The following FARS2 variants were observed in gnomAD, a reference collection of about 807,000 sequenced individuals.
FARS2 encodes the protein phenylalanine--tRNA ligase, mitochondrial.
Under a neutral mutation model 46.4 loss-of-function variants are expected in FARS2, and 40 were observed. The ratio of observed to expected loss-of-function variants is 0.86; its 90% CI spans 0.67 to 1.12. The LOEUF (loss-of-function observed/expected upper bound fraction) is 1.12. Among genes scored for constraint, FARS2 ranks in the 50% most tolerant of loss-of-function variants. The pLI, the probability that FARS2 is intolerant of heterozygous loss-of-function variation, is 0.00. For missense variants in FARS2, 513 were observed against 567.9 expected (o/e 0.90, Z 0.98); for synonymous variants, 234 against 214.9 (o/e 1.09, Z -0.78).
At chr6:5,302,587 T>C (rs1768397008) in intron 1 of FARS2, among the ~76,000 whole-genome samples, 1 of 152,196 alleles carries the variant, frequency 6.6e-6, no homozygotes, top group Non-Finnish European at 1.5e-5. Flanking sequence ...TACTATCTTT[T>C]ACAGATGGGG....
intron 6 of FARS2, among the ~76,000 whole-genome samples, chr6:5,623,678 C>G (rs936192485): frequency 3.3e-5 from 5 of 151,124 alleles, no homozygotes; most frequent in Non-Finnish European, 7.4e-5. Context: ...TGCCACTACA[C>G]TCCAGCCTGG....
intron 6 of FARS2, among the ~76,000 whole-genome samples, chr6:5,719,359 G>C (rs1561819265): frequency 1.4e-5 from 2 of 145,546 alleles, no homozygotes; most frequent in Non-Finnish European, 3.0e-5. Flanking sequence ...TGCAGCCTGG[G>C]TGACAGAGTG....
chr6:5,596,342 C>G (rs188769142), intron 5 of FARS2, among the ~76,000 whole-genome samples: 9 of 152,212 alleles, frequency 5.9e-5, no homozygotes, highest in Non-Finnish European at 1.2e-4. Context: ...CCCCTTTCCC[C>G]GTCCACAAAA....
intron 4 of FARS2, among the ~76,000 whole-genome samples, chr6:5,472,933 A>G (rs1306001347): frequency 2.0e-5 from 3 of 152,198 alleles, no homozygotes; most frequent in Admixed American, 2.0e-4. Flanking sequence ...GTCACACACA[A>G]AATTTTGTGC....
chr6:5,662,177 A>G (rs115292408), intron 6 of FARS2, among the ~76,000 whole-genome samples: 4,340 of 152,242 alleles, frequency 0.029, 160 homozygotes, highest in African/African-American at 0.09. Flanking sequence ...AAATTCAGAA[A>G]GTTGGGGTAT....
At chr6:5,269,434 A>G (rs1417884952) in intron 1 of FARS2, among the ~76,000 whole-genome samples, 2 of 149,620 alleles carry the variant, frequency 1.3e-5, no homozygotes, top group Admixed American at 6.7e-5. Context: ...CCTTGTGCAC[A>G]TGTACCCTAG....
chr6:5,516,344 T>G (rs1305415725), intron 4 of FARS2, among the ~76,000 whole-genome samples: 1 of 152,242 alleles, frequency 6.6e-6, no homozygotes, highest in African/African-American at 2.4e-5. Context: ...TGCCGTGTCA[T>G]CTTGGAAGTA....
At chr6:5,273,664 C>T (rs528585577) in intron 1 of FARS2, among the ~76,000 whole-genome samples, 4 of 152,148 alleles carry the variant, frequency 2.6e-5, no homozygotes, top group South Asian at 2.1e-4. Flanking sequence ...CTTACAGAAG[C>T]GTTTTTGCTT....
chr6:5,671,869 G>A (rs1049509113), intron 6 of FARS2, among the ~76,000 whole-genome samples: 1 of 152,150 alleles, frequency 6.6e-6, no homozygotes, highest in Non-Finnish European at 1.5e-5. Context: ...AAGAACATAA[G>A]CCAAAAATCA....
At chr6:5,500,973 G>A (rs1482151319) in intron 4 of FARS2, among the ~76,000 whole-genome samples, 1 of 140,968 alleles carries the variant, frequency 7.1e-6, no homozygotes, top group Non-Finnish European at 1.6e-5. Context: ...AGAGAGAGAT[G>A]CCAGGTCTGG....
At chr6:5,673,667 C>T (rs1443883514) in intron 6 of FARS2, among the ~76,000 whole-genome samples, 5 of 152,042 alleles carry the variant, frequency 3.3e-5, no homozygotes, top group Admixed American at 3.3e-4. Context: ...TCTTTGCTGC[C>T]ATGTCGATGA....
At chr6:5,316,359 G>A (rs779778372) in intron 1 of FARS2, among the ~76,000 whole-genome samples, 48 of 152,170 alleles carry the variant, frequency 3.2e-4, no homozygotes, top group Non-Finnish European at 6.5e-4. Context: ...AAAACTACCC[G>A]AATGACACAT....
chr6:5,575,134 A>AGT (rs1332899207), intron 5 of FARS2, among the ~76,000 whole-genome samples: 1 of 152,194 alleles, frequency 6.6e-6, no homozygotes, highest in African/African-American at 2.4e-5. Context: ...GACACCAGAG[A>AGT]GTACTTCAGC....
chr6:5,495,601 C>A (rs985889085), intron 4 of FARS2, among the ~76,000 whole-genome samples: 8 of 152,258 alleles, frequency 5.3e-5, no homozygotes, highest in Admixed American at 5.2e-4. Flanking sequence ...CCTAATGGAA[C>A]ATCAGCCCTT....
intron 6 of FARS2, among the ~76,000 whole-genome samples, chr6:5,662,324 A>G (rs535743034): frequency 6.6e-6 from 1 of 152,354 alleles, no homozygotes; most frequent in African/African-American, 2.4e-5. Context: ...TTAGTTTTGC[A>G]GGGACTTCCC....
chr6:5,466,905 C>T (rs1765545538), intron 4 of FARS2: 1 of 985,378 alleles, frequency 1.0e-6, no homozygotes, highest in Non-Finnish European at 1.2e-6. Flanking sequence ...CACATGGGCA[C>T]CTCGGCCTTA....
At chr6:5,695,924 G>GC (rs1758078292) in intron 6 of FARS2, among the ~76,000 whole-genome samples, 9 of 152,224 alleles carry the variant, frequency 5.9e-5, no homozygotes, top group African/African-American at 2.2e-4. Context: ...TCAACAGTCG[G>GC]TGAGCACGAG....
intron 6 of FARS2, among the ~76,000 whole-genome samples, chr6:5,739,150 C>T (rs1761147094): frequency 6.6e-6 from 1 of 152,062 alleles, no homozygotes; most frequent in Admixed American, 6.5e-5. Flanking sequence ...GGGCCTTTTG[C>T]ACTCAACATA....
intron 6 of FARS2, among the ~76,000 whole-genome samples, chr6:5,730,276 C>T (rs369864053): frequency 3.3e-5 from 5 of 152,146 alleles, no homozygotes; most frequent in African/African-American, 1.2e-4. Context: ...GAGAGAGAGA[C>T]AGCGAGAGAG....
Sources: allele counts gnomAD v4.1 joint callset (sites outside exome capture counted in the v4.1 genomes callset), GRCh38; gene constraint gnomAD v4.1.1; transcripts MANE v1.5; gene names NCBI Gene and HGNC (gene_info 2026-07-23, HGNC 2026-07-21).